The following NRG3 variants were observed in gnomAD, a reference collection of about 807,000 sequenced individuals.
NRG3 encodes the protein pro-neuregulin-3, membrane-bound isoform.
NRG3 carries 31 observed loss-of-function variants against 66.9 expected under a neutral mutation model. The observed-to-expected ratio is 0.46, with a 90% confidence interval of 0.35 to 0.63. NRG3 has a LOEUF of 0.63. Ranked by LOEUF, NRG3 falls within the 20% of genes least tolerant of loss-of-function variation. NRG3 has a pLI of 0.00. For synonymous variants in NRG3, 393 were observed against 359.4 expected (o/e 1.09, Z -1.06); for missense variants, 910 against 878.9 (o/e 1.04, Z -0.45).
chr10:82,640,180 A>C (rs2050473842), intron 2 of NRG3, among the ~76,000 whole-genome samples: 1 of 152,226 alleles, frequency 6.6e-6, no homozygotes, highest in African/African-American at 2.4e-5. Context: ...AAGAAATGTA[A>C]ATTGTTCCAT....
Position 82,688,532 on chromosome 10 carries a change from T to C in NRG3, c.954-50045T>C, listed in dbSNP as rs141330332. 2.9e-4 allele frequency among the ~76,000 whole-genome samples: 44 copies of C among 152,310 alleles called. No homozygotes were observed. In the East Asian group the frequency reaches 8.1e-3, roughly 28 times the overall value. ...TTAACAAATATTTTGGGGATTTTAA[T>C]GGCCAAAATTATTTCTAAAAAATTG... On this transcript the variant is annotated intron_variant, in intron 2 of 8. Coordinates refer to ENST00000372141, the MANE Select transcript of NRG3 (RefSeq NM_001010848.4).
intron 3 of NRG3, among the ~76,000 whole-genome samples, chr10:82,799,106 G>A (rs771634014): frequency 3.9e-5 from 6 of 152,122 alleles, no homozygotes; most frequent in Non-Finnish European, 8.8e-5. Flanking sequence ...ATATGCCAGG[G>A]GCTAGATAAT....
chr10:82,229,294 A>T (rs2076330944), intron 1 of NRG3: 1 of 152,232 alleles, frequency 6.6e-6, no homozygotes, highest in Non-Finnish European at 1.5e-5. Flanking sequence ...TTTGTCATGG[A>T]GAAAATGAAA....
intron 1 of NRG3, among the ~76,000 whole-genome samples, chr10:81,939,544 G>A (rs79429959): frequency 0.049 from 7,390 of 151,542 alleles, 260 homozygotes; most frequent in South Asian, 0.077. Context: ...AGGTTTCCCC[G>A]TTGCTGGTGT....
At chr10:81,936,064 G>A (rs1197285613) in intron 1 of NRG3, among the ~76,000 whole-genome samples, 1 of 152,112 alleles carries the variant, frequency 6.6e-6, no homozygotes, top group Non-Finnish European at 1.5e-5. Flanking sequence ...ATGTAAGTGG[G>A]CAGACATGAT....
intron 1 of NRG3, among the ~76,000 whole-genome samples, chr10:82,144,546 A>T (rs1020698565): frequency 6.6e-6 from 1 of 152,214 alleles, no homozygotes; most frequent in Admixed American, 6.5e-5. Flanking sequence ...AAAAGAGAGT[A>T]GTCTCATGGG....
At chr10:82,913,681 C>A (rs924940159) in intron 4 of NRG3, among the ~76,000 whole-genome samples, 1 of 152,070 alleles carries the variant, frequency 6.6e-6, no homozygotes, top group Non-Finnish European at 1.5e-5. Context: ...ATACTTGGTT[C>A]TCTATAGGTG....
chr10:82,021,196 C>T (rs906764603), intron 1 of NRG3, among the ~76,000 whole-genome samples: 1 of 152,018 alleles, frequency 6.6e-6, no homozygotes, highest in Admixed American at 6.6e-5. Context: ...CATTTCCAAT[C>T]GATTTAGGAG....
At chr10:82,546,080 C>T (rs1302911581) in intron 2 of NRG3, among the ~76,000 whole-genome samples, 1 of 152,172 alleles carries the variant, frequency 6.6e-6, no homozygotes, top group Non-Finnish European at 1.5e-5. Context: ...ATAATGTCAA[C>T]TTTTAAACTT....
At chr10:82,919,567 A>G (rs1256882100) in intron 4 of NRG3, among the ~76,000 whole-genome samples, 1 of 152,142 alleles carries the variant, frequency 6.6e-6, no homozygotes, top group African/African-American at 2.4e-5. Context: ...TGCCTTTCCC[A>G]ACCTTAAAAT....
chr10:82,677,958 G>A (rs1293986821), intron 2 of NRG3, among the ~76,000 whole-genome samples: 1 of 152,148 alleles, frequency 6.6e-6, no homozygotes, highest in Admixed American at 6.5e-5. Context: ...GTTTGGAAGG[G>A]GCCACATGCA....
rs748983441 is a variant in NRG3, at chr10:82,985,067, C to T, written c.1584-31C>T. 3.8e-6 allele frequency: 6 copies of T among 1,599,112 alleles called. No individual in the cohort carries two copies. The Admixed American group carries it at 1.0e-4, about 27-fold the overall frequency. Reference sequence around the variant, plus strand: ...TGCTCTAACAAAGCCTGGTAGAAAGCAGAAGGAGTAACACTGTGTTTCTTT... The same window carrying T: ...TGCTCTAACAAAGCCTGGTAGAAAGTAGAAGGAGTAACACTGTGTTTCTTT... On this transcript the variant is annotated intron_variant, in intron 8 of 8. Coordinates refer to ENST00000372141, the MANE Select transcript of NRG3 (RefSeq NM_001010848.4).
chr10:82,494,940 C>CT (rs982018432), intron 2 of NRG3, among the ~76,000 whole-genome samples: 42 of 145,758 alleles, frequency 2.9e-4, no homozygotes, highest in South Asian at 1.1e-3. Context: ...TTTCTTTTTT[C>CT]TTTTTTTTTT....
intron 1 of NRG3, among the ~76,000 whole-genome samples, chr10:82,056,947 G>A (rs1052201054): frequency 1.3e-5 from 2 of 151,908 alleles, no homozygotes; most frequent in Admixed American, 6.6e-5. Context: ...ATTTATCTAC[G>A]TGTAGAATTC....
chr10:82,364,630 G>A lies in NRG3; in HGVS notation c.953+5762G>A, dbSNP rs535628674. On this transcript the variant is annotated intron_variant, in intron 2 of 8. Coordinates refer to ENST00000372141, the MANE Select transcript of NRG3 (RefSeq NM_001010848.4). ...AAATGTGTTTTAAGACCAAATTCAA[G>A]TAAAAAGGATGTGTCTCTTCTGAAC... Among the ~76,000 whole-genome samples, 11 of 152,244 alleles carry A rather than the reference G, an allele frequency of 7.2e-5. No homozygotes were observed. In the South Asian group the frequency reaches 2.3e-3, roughly 32 times the overall value.
At chr10:82,751,718 A>T (rs961353975) in intron 3 of NRG3, among the ~76,000 whole-genome samples, 1 of 152,186 alleles carries the variant, frequency 6.6e-6, no homozygotes, top group African/African-American at 2.4e-5. Flanking sequence ...GAAACCCTAG[A>T]TGAAGAACAT....
chr10:82,073,304 C>T (rs543715146), intron 1 of NRG3, among the ~76,000 whole-genome samples: 5 of 152,200 alleles, frequency 3.3e-5, no homozygotes, highest in Admixed American at 2.0e-4. Context: ...TGCGTGAGAT[C>T]GGGCAGCCAG....
chr10:82,102,163 T>C (rs2066802115), intron 1 of NRG3, among the ~76,000 whole-genome samples: 1 of 136,918 alleles, frequency 7.3e-6, no homozygotes, highest in Non-Finnish European at 1.6e-5. Flanking sequence ...TATATATATA[T>C]ATATGAATGT....
At chr10:82,658,116 T>G (rs1399464430) in intron 2 of NRG3, among the ~76,000 whole-genome samples, 1 of 152,046 alleles carries the variant, frequency 6.6e-6, no homozygotes, top group African/African-American at 2.4e-5. Flanking sequence ...CATAAACCAA[T>G]ATTTTCCATG....
Sources: gnomAD v4.1 joint callset for allele counts (sites outside exome capture counted in the v4.1 genomes callset) on GRCh38, gnomAD v4.1.1 for gene constraint, MANE v1.5 for transcripts, NCBI Gene and HGNC (gene_info 2026-07-23, HGNC 2026-07-21) for gene names.